Variants in CFAP251 observed in about 807,000 individuals in gnomAD.
CFAP251 encodes cilia- and flagella-associated protein 251.
A neutral mutation model predicts 126.7 loss-of-function variants in CFAP251; 93 were observed. The ratio of observed to expected loss-of-function variants is 0.73; its 90% confidence interval spans 0.62 to 0.87. The LOEUF (loss-of-function observed/expected upper bound fraction) is 0.87. Among genes scored for constraint, CFAP251 ranks in the 40% least tolerant of loss-of-function variants. The pLI is 0.00. For missense variants in CFAP251, 1,287 were observed against 1,389.2 expected (o/e 0.93, Z 1.17); for synonymous variants, 503 against 506.9 (o/e 0.99, Z 0.10).
At chr12:121,942,866 C>T in intron 6 of CFAP251, 29 bp from the exon 7 acceptor site, 1 of 1,612,470 alleles carries the variant, frequency 6.2e-7, no homozygotes, top group East Asian at 2.2e-5. Context: ...CAGACCTTCT[C>T]ATGCCCCTCT....
intron 3 of CFAP251, among the ~76,000 whole-genome samples, chr12:121,926,473 T>C (rs1880420806): frequency 6.6e-6 from 1 of 152,020 alleles, no homozygotes; most frequent in Non-Finnish European, 1.5e-5. Flanking sequence ...ACTACAGGTG[T>C]GTATCACCAC....
At chr12:121,971,402 G>C (rs1882324176) in intron 17 of CFAP251, among the ~76,000 whole-genome samples, 1 of 152,214 alleles carries the variant, frequency 6.6e-6, no homozygotes, top group African/African-American at 2.4e-5. Context: ...AGAGGACCCA[G>C]GACAGTGCAT....
chr12:121,922,738 G>T (rs1214320099), intron 2 of CFAP251, among the ~76,000 whole-genome samples: 3 of 152,020 alleles, frequency 2.0e-5, no homozygotes, highest in Non-Finnish European at 2.9e-5. Flanking sequence ...GGTAGGCCAA[G>T]AATAAACTTG....
intron 10 of CFAP251, 120 bp downstream of exon 10, chr12:121,954,454 GGGA>G (rs763665668): frequency 3.3e-6 from 3 of 908,854 alleles, no homozygotes; most frequent in Non-Finnish European, 4.8e-6. Flanking sequence ...AGGCTGAGGT[GGGA>G]GGATCACATG....
intron 12 of CFAP251, 131 bp from the exon 13 acceptor site, chr12:121,958,812 C>A (rs1190179544): frequency 5.9e-6 from 7 of 1,195,302 alleles, no homozygotes; most frequent in Non-Finnish European, 8.1e-6. Flanking sequence ...CGTTTCGGTT[C>A]ATTTCTCCGC....
rs188096568 is a variant in CFAP251 at position 121,935,782 on chromosome 12, C to T, written c.998+1426C>T. On this transcript the variant is annotated intron_variant, in intron 5 of 21. Transcript: ENST00000288912. ...GGGAGGTTGACAGCCCACGGACTCT[C>T]TGGCACTGGAGCTGGGTCCGGAAGG... Among the ~76,000 whole-genome samples, 18 of 152,352 alleles carry T rather than the reference C, an allele frequency of 1.2e-4. No individual in the cohort carries two copies. In the East Asian group the frequency reaches 3.1e-3, roughly 26 times the overall value.
chr12:121,928,634 ATACGTATATATATATATATATACG>A lies in CFAP251; in HGVS notation c.748-3109_748-3086del, dbSNP rs1361025473. On this transcript the variant is annotated intron_variant, in intron 3 of 21. Transcript: ENST00000288912. Reference sequence around the variant, plus strand: ...TAATTTTATGTATATGTGTATATATATACGTATATATATATATATATACGTATATATATACGTATATATATATAT... The same window carrying A: ...TAATTTTATGTATATGTGTATATATATATATATATACGTATATATATATAT... 7.6e-3 allele frequency among the ~76,000 whole-genome samples: 178 copies of A among 23,536 alleles called. 6 individuals are homozygous for A. Among genetic ancestry groups the A allele is most frequent in the Middle Eastern group, 0.024 (1 of 42 alleles). 15.4% of individuals were successfully genotyped at this position (23,536 alleles called of 152,430 possible).
intron 19 of CFAP251, among the ~76,000 whole-genome samples, chr12:121,990,036 T>C (rs900052797): frequency 2.0e-5 from 3 of 152,034 alleles, no homozygotes; most frequent in African/African-American, 7.2e-5. Context: ...TCTTGGGGCC[T>C]GGAGCAGTCG....
Position 121,923,909 on chromosome 12 carries a change from G to T in CFAP251, c.666G>T (p.Gly222=). Residue 222 remains glycine, a synonymous_variant, in exon 3 of 22, where the codon GGG becomes GGT. Coordinates refer to ENST00000288912, the MANE Select transcript of CFAP251 (RefSeq NM_144668.6). ...RRVSDIQSKA[G]ISRESLVSST... Reference sequence around the variant, plus strand: ...TATCCGACATCCAGTCCAAAGCAGGGATCTCCCGGGAGTCACTGGTGTCCA... The same window carrying T: ...TATCCGACATCCAGTCCAAAGCAGGTATCTCCCGGGAGTCACTGGTGTCCA... 1 of 1,614,104 alleles carries T rather than the reference G, an allele frequency of 6.2e-7. No homozygotes were observed. Among genetic ancestry groups the T allele is most frequent in the Non-Finnish European group, 8.5e-7 (1 of 1,180,036 alleles).
At chr12:121,992,715 C>A (rs901613933) in intron 19 of CFAP251, among the ~76,000 whole-genome samples, 2 of 151,816 alleles carry the variant, frequency 1.3e-5, no homozygotes, top group Non-Finnish European at 2.9e-5. Flanking sequence ...GTAGCTGGGA[C>A]TACAGGCACA....
Position 121,962,126 on chromosome 12 carries a change from A to G in CFAP251, c.2456A>G (p.Lys819Arg), listed in dbSNP as rs1269145486. 1.9e-6 allele frequency: 3 copies of G among 1,613,690 alleles called. No individual in the cohort carries two copies. Among genetic ancestry groups the G allele is most frequent in the Non-Finnish European group, 1.7e-6 (2 of 1,180,032 alleles). ...CTGCTTATTTGCAACAGTGGCTACA[A>G]AGTGAAGCTTTTTAATGCTACTACC... ...LFLLICNSGY[K>R]VKLFNATTKM... The change falls in exon 15 of 22, where the codon AAA becomes AGA. Residue 819 changes from lysine (K) to arginine (R), a missense_variant. Coordinates refer to ENST00000288912, the MANE Select transcript of CFAP251 (RefSeq NM_144668.6).
chr12:121,965,924 A>G (rs1370924431), intron 15 of CFAP251, among the ~76,000 whole-genome samples: 5 of 150,692 alleles, frequency 3.3e-5, no homozygotes, highest in South Asian at 4.2e-4. Context: ...GGCTCAAACA[A>G]TGCTCCCACC....
intron 13 of CFAP251, 88 bp downstream of exon 13, chr12:121,959,182 A>C (rs1319000834): frequency 7.4e-7 from 1 of 1,351,486 alleles, no homozygotes; most frequent in African/African-American, 1.5e-5. Flanking sequence ...AACACCTGTA[A>C]TCCCAATGAT....
At position 121,958,336 on chromosome 12, in the gene CFAP251, G is replaced by C; in HGVS notation, c.1795G>C (p.Glu599Gln). ...YHLTTDGTKL[E>Q]KLFVEPKDAI... ...CTTAACAACAGATGGGACCAAACTT[G>C]AGAAGTTATTTGTAGAGCCCAAGGA... The change falls in exon 12 of 22, where the codon GAG (glutamate) becomes CAG (glutamine). Residue 599 changes from glutamate to glutamine, a missense_variant. By Grantham distance (29) the Glu-to-Gln change is conservative. Coordinates refer to ENST00000288912, the MANE Select transcript of CFAP251 (RefSeq NM_144668.6). The C allele has an allele frequency of 6.2e-7, 1 of 1,614,186 alleles. No homozygotes were observed. The highest frequency in any genetic ancestry group is 8.5e-7 in the Non-Finnish European group (1 of 1,180,044).
chr12:121,929,704 G>GTCT (rs1880601085), intron 3 of CFAP251, among the ~76,000 whole-genome samples: 1 of 151,088 alleles, frequency 6.6e-6, no homozygotes, highest in Non-Finnish European at 1.5e-5. Context: ...TTGAGACAGG[G>GTCT]TCTTGCTCTG....
At chr12:121,956,639 G>A (rs1881736911) in intron 10 of CFAP251, among the ~76,000 whole-genome samples, 1 of 152,104 alleles carries the variant, frequency 6.6e-6, no homozygotes, top group Non-Finnish European at 1.5e-5. Context: ...GGGATTACAG[G>A]TGCACACCAC....
chr12:121,934,500 A>G, intron 5 of CFAP251, 144 bp downstream of exon 5: 3 of 598,172 alleles, frequency 5.0e-6, no homozygotes, highest in East Asian at 5.9e-5. Context: ...GCTGACTCAC[A>G]CTAACCTAGC....
At chr12:121,929,374 A>G (rs938174581) in intron 3 of CFAP251, among the ~76,000 whole-genome samples, 12 of 146,506 alleles carry the variant, frequency 8.2e-5, no homozygotes, top group African/African-American at 1.6e-4. Flanking sequence ...TACTGTACAC[A>G]GGGCGCCCAC....
intron 14 of CFAP251, among the ~76,000 whole-genome samples, 168 bp downstream of exon 14, chr12:121,960,926 TG>T (rs1188562603): frequency 3.9e-5 from 6 of 152,208 alleles, no homozygotes; most frequent in Non-Finnish European, 5.9e-5. Flanking sequence ...TGCCTTAACA[TG>T]GCTGGGACAC....
Sources: gnomAD v4.1 joint callset for allele counts (sites outside exome capture counted in the v4.1 genomes callset) on GRCh38, gnomAD v4.1.1 for gene constraint, MANE v1.5 for transcripts, NCBI Gene and HGNC (gene_info 2026-07-23, HGNC 2026-07-21) for gene names.